Variants in ZPR1 observed in about 807,000 individuals in gnomAD.
The protein encoded by ZPR1 is ZPR1 zinc finger.
Under a neutral mutation model 59.6 loss-of-function variants are expected in ZPR1, and 37 were observed. That is an observed-to-expected ratio of 0.62 (90% CI 0.48 to 0.82). The LOEUF (loss-of-function observed/expected upper bound fraction) is 0.82, where lower values mean the gene tolerates loss of function less well. Among genes scored for constraint, ZPR1 ranks in the 40% least tolerant of loss-of-function variants. ZPR1 has a pLI of 0.00. For synonymous variants in ZPR1, 191 were observed against 215.2 expected, an observed-to-expected ratio of 0.89 and a Z score of 0.99; for missense variants, 527 against 579.9, an observed-to-expected ratio of 0.91 and a Z score of 0.94.
Position 116,783,048 on chromosome 11 carries a change from G to C in ZPR1, c.982-19C>G. The C allele has an allele frequency of 6.2e-7, 1 of 1,601,548 alleles. No individual in the cohort carries two copies. Among genetic ancestry groups the C allele is most frequent in the Non-Finnish European group, 8.6e-7 (1 of 1,168,564 alleles). On this transcript the variant is annotated intron_variant, in intron 10 of 13. Coordinates refer to ENST00000227322, the MANE Select transcript of ZPR1 (RefSeq NM_003904.5). The stretch of plus-strand genomic sequence containing the variant: ...TCTCAGACTGTGAAATGAGAGGTCA[G>C]TTTAAGCTTTAAGTCAGAAGCAAAG...
At chr11:116,783,645 C>A in intron 9 of ZPR1, 26 bp from the exon 10 acceptor site, 6 of 1,598,236 alleles carry the variant, frequency 3.8e-6, no homozygotes, top group Non-Finnish European at 4.3e-6. Flanking sequence ...TCAGGAGCAA[C>A]AGAGAGAAGA....
At position 116,775,688 on chromosome 11, in the gene ZPR1, T is replaced by C. The variant is rs1940714548; in HGVS notation, c.*3237A>G. On this transcript the variant is annotated 3_prime_UTR_variant, in exon 14 of 14. Transcript: ENST00000227322. ...GCTCTGCTTCCTTCTGGAAGTAACCTCTCTGAGGCTGTTTTGTCACCTGTA... is the reference window on the plus strand; with the variant it reads ...GCTCTGCTTCCTTCTGGAAGTAACCCCTCTGAGGCTGTTTTGTCACCTGTA... 1 of 150,408 alleles carries C rather than the reference T, an allele frequency of 6.6e-6. No homozygotes were observed. The allele number at this position is 150,408 out of a possible 1,614,324, so 9.3% of individuals were successfully genotyped here.
chr11:116,784,747 C>T (rs556794224), intron 8 of ZPR1, 108 bp downstream of exon 8: 1 of 1,152,004 alleles, frequency 8.7e-7, no homozygotes, highest in African/African-American at 1.5e-5. Flanking sequence ...TCTTCCTTAT[C>T]ACTGGGTATA....
Position 116,784,883 on chromosome 11 carries a change from G to A in ZPR1, c.792C>T (p.Ala264=). 1 of 1,614,216 alleles carries A rather than the reference G, an allele frequency of 6.2e-7. No individual in the cohort carries two copies. Among genetic ancestry groups the A allele is most frequent in the South Asian group, 1.1e-5 (1 of 91,076 alleles). The part of the protein sequence containing the change: ...QFSTNCPECN[A]PAQTNMKLVQ... ...CTAGCTTCATGTTGGTCTGAGCGGG[G>A]GCATTGCATTCTGGGCAGTTTGTGC... is the stretch of plus-strand genomic sequence containing the variant. The change falls in exon 8 of 14, where the codon GCC becomes GCT. Residue 264 remains alanine (A), a synonymous_variant. Coordinates refer to ENST00000227322, the MANE Select transcript of ZPR1 (RefSeq NM_003904.5).
chr11:116,787,822 T>G lies in ZPR1; in HGVS notation c.169A>C (p.Asn57His). The change falls in exon 1 of 14, where the codon AAT becomes CAT. Residue 57 changes from asparagine to histidine, a missense_variant and splice_region_variant. Asn to His is a moderately conservative substitution (Grantham distance 68, BLOSUM62 1). Transcript: ENST00000227322. The part of the protein sequence containing the change: ...IESLCMNCYC[N>H]GMTRLLLTKI... The stretch of plus-strand genomic sequence containing the variant: ...TCGCGGCCGCGCCCCCGCCTCACAT[T>G]GCAGTAACAGTTCATGCATAGCGAC... 1 of 1,556,024 alleles carries G rather than the reference T, an allele frequency of 6.4e-7. No individual in the cohort carries two copies.
rs1304939313 is a variant in ZPR1 at position 116,787,916 on chromosome 11, C to T, written c.75G>A (p.Pro25=). ...GCCGGAACAGGTGATCAGGGGCAGG[C>T]GGCGGGGCCGGGGCGGGCGACGGGG... ...AVAPSPAPAP[P]PAPDHLFRPI... The change falls in exon 1 of 14, where the codon CCG becomes CCA. Residue 25 remains proline, a synonymous_variant. Coordinates refer to ENST00000227322, the MANE Select transcript of ZPR1 (RefSeq NM_003904.5). 2.6e-6 allele frequency: 4 copies of T among 1,509,808 alleles called. No individual in the cohort carries two copies. The highest frequency in any genetic ancestry group is 1.2e-5 in the South Asian group (1 of 81,246). The allele number at this position is 1,509,808 out of a possible 1,614,324, so 93.5% of individuals were successfully genotyped here.
rs886675148 is a variant in ZPR1 at position 116,787,367 on chromosome 11, A to T, written c.333+115T>A. The T allele has an allele frequency of 2.2e-4, 242 of 1,108,596 alleles. 1 individual carries two copies. The highest frequency in any genetic ancestry group is 7.6e-4 in the Admixed American group (30 of 39,480). The allele number at this position is 1,108,596 out of a possible 1,614,324, so 68.7% of individuals were successfully genotyped here. On this transcript the variant is annotated intron_variant, in intron 2 of 13. Transcript: ENST00000227322. ...CAGTACCATTTTACAAAAGAAACTA[A>T]GGCTAGGAGACATAGGGGGATTTAT...
chr11:116,782,114 G>A (rs777242400), intron 12 of ZPR1, 44 bp downstream of exon 12: 25 of 1,505,190 alleles, frequency 1.7e-5, no homozygotes, highest in Non-Finnish European at 2.3e-5. Context: ...CCTGTTCACT[G>A]GAGCCCCAGG....
At chr11:116,781,968 C>T (rs906842922) in intron 12 of ZPR1, among the ~76,000 whole-genome samples, 190 bp downstream of exon 12, 5 of 151,270 alleles carry the variant, frequency 3.3e-5, no homozygotes, top group African/African-American at 7.3e-5. Context: ...GCCGAGATCA[C>T]GCCACTGCAC....
intron 12 of ZPR1, among the ~76,000 whole-genome samples, chr11:116,781,494 G>A (rs1356412662): frequency 1.3e-5 from 2 of 152,174 alleles, no homozygotes; most frequent in Non-Finnish European, 2.9e-5. Flanking sequence ...TACCAAACTG[G>A]AAGACCATAG....
chr11:116,784,563 C>G, intron 8 of ZPR1, 115 bp from the exon 9 acceptor site: 1 of 1,075,610 alleles, frequency 9.3e-7, no homozygotes, highest in Admixed American at 1.9e-5. Flanking sequence ...AGGAAATATT[C>G]ACAAGAGGCA....
At chr11:116,782,346 A>C in intron 11 of ZPR1, 102 bp from the exon 12 acceptor site, 1 of 1,008,874 alleles carries the variant, frequency 9.9e-7, no homozygotes, top group Non-Finnish European at 1.5e-6. Context: ...CTGTCAGGGA[A>C]ACTTGGTTTC....
intron 4 of ZPR1, among the ~76,000 whole-genome samples, chr11:116,786,105 C>T (rs550940623): frequency 3.0e-4 from 46 of 152,334 alleles, no homozygotes; most frequent in African/African-American, 1.1e-3. Flanking sequence ...TTAGCCCAGG[C>T]ACTCATGCCA....
At position 116,785,825 on chromosome 11, in the gene ZPR1, G is replaced by C; in HGVS notation, c.553C>G (p.Leu185Val). ...GTGAAAGGGGAGGCTACTTGCTTTA[G>C]CTCCTTCAGTTTGACAATGAACTCA... ...IDEFIVKLKE[L>V]KQVASPFTLI... The change falls in exon 5 of 14, where the codon CTA becomes GTA. Residue 185 changes from leucine to valine, a missense_variant. Leu to Val is a conservative substitution (Grantham distance 32). Coordinates refer to ENST00000227322, the MANE Select transcript of ZPR1 (RefSeq NM_003904.5). The C allele has an allele frequency of 6.2e-7, 1 of 1,614,204 alleles. No homozygotes were observed. Among genetic ancestry groups the C allele is most frequent in the Non-Finnish European group, 8.5e-7 (1 of 1,180,038 alleles).
In ZPR1 at chr11:116,778,978, G is replaced by A; in HGVS notation, c.1327C>T (p.Leu443Phe). 1.2e-6 allele frequency: 2 copies of A among 1,614,164 alleles called. No individual in the cohort carries two copies. Among genetic ancestry groups the A allele is most frequent in the East Asian group, 4.5e-5 (2 of 44,882 alleles). The change falls in exon 14 of 14, where the codon CTC becomes TTC. Residue 443 changes from leucine (L) to phenylalanine (F), a missense_variant. Coordinates refer to ENST00000227322, the MANE Select transcript of ZPR1 (RefSeq NM_003904.5). The stretch of plus-strand genomic sequence containing the variant: ...TAGCCCTCTGTCTTCATGTCATTGA[G>A]CCCTAGCTCCTCATTTTGGTCAAAG... ...RTFDQNEELGLNDMKTEGYEA... is the reference protein window; with the variant it reads ...RTFDQNEELGFNDMKTEGYEA...
Position 116,775,636 on chromosome 11 carries a change from A to AAAAAAAAAC in ZPR1, c.*3288_*3289insGTTTTTTTT, listed in dbSNP as rs1940713558. The AAAAAAAAAC allele has an allele frequency of 1.2e-5, 1 of 82,514 alleles. No homozygotes were observed. The highest frequency in any genetic ancestry group is 2.8e-5 in the Non-Finnish European group (1 of 35,414). The allele number at this position is 82,514 out of a possible 1,614,324, so 5.1% of individuals were successfully genotyped here. ...GAGTGAGACTCCGTCTCAAAAAAAA[A>AAAAAAAAAC]AAAAAAAAAAAAAAAAAAAAAAAAA... On this transcript the variant is annotated 3_prime_UTR_variant, in exon 14 of 14. Coordinates refer to ENST00000227322, the MANE Select transcript of ZPR1 (RefSeq NM_003904.5).
chr11:116,780,399 C>T (rs11604424), intron 12 of ZPR1, among the ~76,000 whole-genome samples: 110,607 of 151,014 alleles, frequency 0.73, 40,977 homozygotes, highest in Non-Finnish European at 0.79. Flanking sequence ...GCCAGCCAAG[C>T]CTTTACCCTC....
rs1374220771 is a variant in ZPR1 at position 116,786,701 on chromosome 11, A to C, written c.425-120T>G. 9 of 871,732 alleles carry C rather than the reference A, an allele frequency of 1.0e-5. No individual in the cohort carries two copies. In the African/African-American group the frequency reaches 1.5e-4, roughly 15 times the overall value. The allele number at this position is 871,732 out of a possible 1,614,324, so 54.0% of individuals were successfully genotyped here. A position where few individuals can be genotyped will look rare whatever the true frequency, so the allele number is the denominator to read the frequency against. On this transcript the variant is annotated intron_variant, in intron 3 of 13. Coordinates refer to ENST00000227322, the MANE Select transcript of ZPR1 (RefSeq NM_003904.5). The stretch of plus-strand genomic sequence containing the variant: ...TCTTAATTTCCTCATCTGTAAAATG[A>C]GAAGGCCAGGTGCAAGGTTCCATTC...
chr11:116,787,174 C>T, intron 2 of ZPR1, 115 bp from the exon 3 acceptor site: 3 of 948,586 alleles, frequency 3.2e-6, no homozygotes, highest in Non-Finnish European at 5.1e-6. Context: ...TCCCTCTCGC[C>T]ACTCCACAGG....
Sources: gnomAD v4.1 joint callset for allele counts (sites outside exome capture counted in the v4.1 genomes callset) on GRCh38, gnomAD v4.1.1 for gene constraint, MANE v1.5 for transcripts, NCBI Gene and HGNC (gene_info 2026-07-23, HGNC 2026-07-21) for gene names.